Variants in MELK observed in about 807,000 individuals in gnomAD.
MELK encodes the protein maternal embryonic leucine zipper kinase, also known as pEg3 kinase.
A neutral mutation model predicts 85.0 loss-of-function variants in MELK; 81 were observed. The observed-to-expected ratio is 0.95, with a 90% CI of 0.80 to 1.15. MELK has a LOEUF of 1.15. Ranked by LOEUF, MELK falls within the 50% of genes most tolerant of loss-of-function variation. The pLI is 0.00. For missense variants in MELK, 754 were observed against 777.5 expected (o/e 0.97, Z 0.36); for synonymous variants, 252 against 265.0 (o/e 0.95, Z 0.48).
At chr9:36,621,526 T>G (rs1827448598) in intron 8 of MELK, among the ~76,000 whole-genome samples, 1 of 152,120 alleles carries the variant, frequency 6.6e-6, no homozygotes, top group Non-Finnish European at 1.5e-5. Flanking sequence ...ATAGCTTGTA[T>G]AAGGTCACAC....
chr9:36,635,272 T>A (rs952789084), intron 10 of MELK, among the ~76,000 whole-genome samples: 4 of 152,050 alleles, frequency 2.6e-5, no homozygotes, highest in Non-Finnish European at 5.9e-5. Context: ...TTTTAATTTT[T>A]TTTTTTTTGA....
intron 1 of MELK, among the ~76,000 whole-genome samples, chr9:36,575,790 T>C (rs1821595892): frequency 6.6e-6 from 1 of 152,190 alleles, no homozygotes; most frequent in Admixed American, 6.6e-5. Flanking sequence ...ATCTTACAAA[T>C]TGCTTTCTCT....
At chr9:36,579,019 A>T (rs977236907) in intron 1 of MELK, among the ~76,000 whole-genome samples, 9 of 136,258 alleles carry the variant, frequency 6.6e-5, no homozygotes, top group Admixed American at 3.1e-4. Context: ...ATTTATTTAT[A>T]TATTTATTTA....
chr9:36,575,884 A>G (rs1821603877), intron 1 of MELK, among the ~76,000 whole-genome samples: 1 of 152,140 alleles, frequency 6.6e-6, no homozygotes. Flanking sequence ...GTGTTCCTCC[A>G]TTTCCATTCT....
intron 3 of MELK, among the ~76,000 whole-genome samples, chr9:36,586,679 T>G (rs1822939749): frequency 6.6e-6 from 1 of 152,202 alleles, no homozygotes; most frequent in Non-Finnish European, 1.5e-5. Flanking sequence ...AATACTTAAA[T>G]AGCAAACAAA....
chr9:36,604,182 T>A (rs905543139), intron 7 of MELK, among the ~76,000 whole-genome samples: 12 of 151,290 alleles, frequency 7.9e-5, no homozygotes, highest in African/African-American at 2.7e-4. Context: ...TTGGTCAGGC[T>A]GGTCTTGAAC....
Position 36,669,415 on chromosome 9 carries a change from T to A in MELK, c.1505+9T>A. On this transcript the variant is annotated intron_variant, in intron 15 of 17. Transcript: ENST00000298048. ...ATTAGCCCTGAGAGGCGGTAAGTGT[T>A]TGGTTTTTTTAGACTCTAATCTTTA... The A allele has an allele frequency of 6.3e-7, 1 of 1,574,826 alleles. No individual in the cohort carries two copies. The highest frequency in any genetic ancestry group is 8.6e-7 in the Non-Finnish European group (1 of 1,160,164).
intron 12 of MELK, among the ~76,000 whole-genome samples, chr9:36,654,911 C>T (rs1430590147): frequency 6.6e-6 from 1 of 152,080 alleles, no homozygotes; most frequent in African/African-American, 2.4e-5. Flanking sequence ...ATTATTGAGA[C>T]ACGAAGCAAG....
In MELK at chr9:36,643,793, G is replaced by A. The variant is rs527276565; in HGVS notation, c.921+710G>A. On this transcript the variant is annotated intron_variant, in intron 11 of 17. Coordinates refer to ENST00000298048, the MANE Select transcript of MELK (RefSeq NM_014791.4). ...ACTAAAAATACAAAAAATTAGCCGGGCGTTGTAGCAGATGCCTGTAGTCTC... is the reference window on the plus strand; with the variant it reads ...ACTAAAAATACAAAAAATTAGCCGGACGTTGTAGCAGATGCCTGTAGTCTC... Among the ~76,000 whole-genome samples, 10 of 152,100 alleles carry A rather than the reference G, an allele frequency of 6.6e-5. No individual in the cohort carries two copies. The South Asian group carries it at 2.1e-3, about 32-fold the overall frequency.
At chr9:36,671,323 T>C (rs1340148008) in intron 16 of MELK, among the ~76,000 whole-genome samples, 157 bp downstream of exon 16, 2 of 152,202 alleles carry the variant, frequency 1.3e-5, no homozygotes, top group African/African-American at 4.8e-5. Flanking sequence ...ATCTGCATGT[T>C]ACTGTGCAGT....
rs763840698 is a variant in MELK at position 36,651,876 on chromosome 9, AG to A, written c.1053+1del. ...AGTGCTACCCCATTCACAGACATCAAGGTAAGTGTTACTGCCTGTTGTGTCT... is the reference window on the plus strand; with the variant it reads ...AGTGCTACCCCATTCACAGACATCAAGTAAGTGTTACTGCCTGTTGTGTCT... ...QASATPFTDI[K>X]SNNWSLEDVT... On this transcript the variant is annotated frameshift_variant and splice_region_variant, in exon 12 of 18. Coordinates refer to ENST00000298048, the MANE Select transcript of MELK (RefSeq NM_014791.4). LOFTEE classifies it high-confidence loss of function. The A allele has an allele frequency of 6.2e-7, 1 of 1,613,108 alleles. No individual in the cohort carries two copies. The highest frequency in any genetic ancestry group is 1.1e-5 in the South Asian group (1 of 90,874).
At chr9:36,674,641 A>G (rs1272033211) in intron 16 of MELK, among the ~76,000 whole-genome samples, 193 bp from the exon 17 acceptor site, 1 of 152,214 alleles carries the variant, frequency 6.6e-6, no homozygotes, top group Non-Finnish European at 1.5e-5. Context: ...ACTAATAACC[A>G]TAACTTCTCC....
chr9:36,602,757 C>T (rs746861009), intron 7 of MELK, among the ~76,000 whole-genome samples: 2 of 151,936 alleles, frequency 1.3e-5, no homozygotes, highest in Non-Finnish European at 2.9e-5. Context: ...CAGGATTTCT[C>T]CATGTTGGTC....
chr9:36,596,373 A>C (rs573304290), intron 5 of MELK, among the ~76,000 whole-genome samples: 2 of 151,980 alleles, frequency 1.3e-5, no homozygotes, highest in South Asian at 4.2e-4. Flanking sequence ...CTCCTGCCTC[A>C]GCCTCCTGAG....
At chr9:36,599,540 A>G in intron 7 of MELK, 54 bp downstream of exon 7, 1 of 1,354,710 alleles carries the variant, frequency 7.4e-7, no homozygotes, top group Admixed American at 1.7e-5. Context: ...TATATTGGTC[A>G]CCTGTAGTGA....
intron 8 of MELK, 76 bp downstream of exon 8, chr9:36,607,749 T>A: frequency 9.6e-7 from 1 of 1,040,936 alleles, no homozygotes; most frequent in Non-Finnish European, 1.5e-6. Context: ...TTCATAAATG[T>A]ACAAAAACAG....
chr9:36,645,084 C>T (rs990951140), intron 11 of MELK, among the ~76,000 whole-genome samples: 6 of 151,274 alleles, frequency 4.0e-5, no homozygotes, highest in African/African-American at 1.2e-4. Context: ...ATGGTGAAAC[C>T]GCGTTTCTAC....
rs559976315 is a variant in MELK, at chr9:36,597,598, G to A, written c.474+308G>A. Reference sequence around the variant, plus strand: ...TACAGCAAGAATGCTGACTTGACCAGTGCTTGCAGTTTGAGTATATTGCCA... The same window carrying A: ...TACAGCAAGAATGCTGACTTGACCAATGCTTGCAGTTTGAGTATATTGCCA... On this transcript the variant is annotated intron_variant, in intron 6 of 17. Transcript: ENST00000298048. 2.6e-5 allele frequency among the ~76,000 whole-genome samples: 4 copies of A among 152,288 alleles called. No homozygotes were observed. The East Asian group carries it at 5.8e-4, about 22-fold the overall frequency.
chr9:36,581,322 T>A (rs566606559), intron 1 of MELK, among the ~76,000 whole-genome samples: 1 of 152,074 alleles, frequency 6.6e-6, no homozygotes, highest in Admixed American at 6.6e-5. Context: ...CCAGCTGAAG[T>A]TCTTAATTTT....
Sources: gnomAD v4.1 joint callset for allele counts (sites outside exome capture counted in the v4.1 genomes callset) on GRCh38, gnomAD v4.1.1 for gene constraint, MANE v1.5 for transcripts, NCBI Gene and HGNC (gene_info 2026-07-23, HGNC 2026-07-21) for gene names.